The following ABL1 variants were observed in gnomAD, a reference collection of about 807,000 sequenced individuals.
ABL1 encodes the protein ABL proto-oncogene 1, non-receptor tyrosine kinase.
In ABL1, 11 loss-of-function variants were observed where a neutral mutation model predicts 94.7. That is an observed-to-expected ratio of 0.12 (90% CI 0.07 to 0.19). The LOEUF (loss-of-function observed/expected upper bound fraction) is 0.19. ABL1 is among the 10% of genes least tolerant of loss of function. The pLI, the probability that ABL1 is intolerant of heterozygous loss-of-function variation, is 1.00. For synonymous variants in ABL1, 656 were observed against 622.4 expected (o/e 1.05, Z -0.80); for missense variants, 1,082 against 1,489.4 (o/e 0.73, Z 4.50).
Position 130,880,864 on chromosome 9 carries a change from C to T in ABL1, c.1678+200C>T, listed in dbSNP as rs920546879. Among the ~76,000 whole-genome samples the T allele has an allele frequency of 6.6e-6, 1 of 152,232 alleles. No homozygotes were observed. Among genetic ancestry groups the T allele is most frequent in the African/African-American group, 2.4e-5 (1 of 41,446 alleles). On this transcript the variant is annotated intron_variant, in intron 10 of 10. Coordinates refer to ENST00000318560, the MANE Select transcript of ABL1 (RefSeq NM_005157.6). This position sits in a 1 kb window ranked among gnomAD's most constrained non-coding sequence, Gnocchi z 4.4. The stretch of plus-strand genomic sequence containing the variant: ...TCCTATCCCCTCCCTCTGAGAGTCC[C>T]CGAGGAGCATAGGCTCCAGCAGTGA...
intron 4 of ABL1, among the ~76,000 whole-genome samples, chr9:130,870,006 G>A (rs1400191959): frequency 2.0e-5 from 3 of 152,190 alleles, no homozygotes; most frequent in Non-Finnish European, 1.5e-5. Flanking sequence ...TGTATTTTTA[G>A]TAGAGATGGG....
chr9:130,876,552 G>A (rs1000718856), intron 7 of ABL1, among the ~76,000 whole-genome samples: 6 of 150,686 alleles, frequency 4.0e-5, no homozygotes, highest in African/African-American at 1.5e-4. Flanking sequence ...CAAGTAGCTG[G>A]GATTACAGGT....
rs544670118 is a variant in ABL1, at chr9:130,774,639, C to CA, written c.136+60185dup. ...AGGAGTTCGTGACCAGACTGGGCAACATGGAGAAACCTCATCTGTTAAAAA... is the reference window on the plus strand; with the variant it reads ...AGGAGTTCGTGACCAGACTGGGCAACAATGGAGAAACCTCATCTGTTAAAAA... On this transcript the variant is annotated intron_variant, in intron 1 of 10. Coordinates refer to the ABL1 transcript ENST00000372348. 1.4e-4 allele frequency among the ~76,000 whole-genome samples: 21 copies of CA among 152,174 alleles called. No homozygotes were observed. In the East Asian group the frequency reaches 3.9e-3, roughly 28 times the overall value.
intron 1 of ABL1, among the ~76,000 whole-genome samples, chr9:130,840,607 C>T (rs1256198532): frequency 6.6e-6 from 1 of 152,218 alleles, no homozygotes; most frequent in Non-Finnish European, 1.5e-5. Flanking sequence ...CTTAATTAAA[C>T]ACACAGAAGA....
chr9:130,880,252 TC>T lies in ABL1; in HGVS notation c.1513+96del. ...ATTCGGTTCACTTCCTGGTGAAAGT[TC>T]ACAGACCAGCCTGTCCTGAGACCAG... On this transcript the variant is annotated intron_variant, in intron 9 of 10. Coordinates refer to ENST00000318560, the MANE Select transcript of ABL1 (RefSeq NM_005157.6). The surrounding 1 kb of genome is among the most constrained non-coding windows in gnomAD (Gnocchi z 4.4). The T allele has an allele frequency of 7.3e-7, 1 of 1,365,938 alleles. No homozygotes were observed. The highest frequency in any genetic ancestry group is 2.3e-5 in the East Asian group (1 of 43,766). The allele number at this position is 1,365,938 out of a possible 1,614,324, so 84.6% of individuals were successfully genotyped here. A position where few individuals can be genotyped will look rare whatever the true frequency, so the allele number is the denominator to read the frequency against.
chr9:130,885,754 G>A lies in ABL1; in HGVS notation c.*71G>A. 6.6e-7 allele frequency: 1 copy of A among 1,517,694 alleles called. No individual in the cohort carries two copies. Among genetic ancestry groups the A allele is most frequent in the Non-Finnish European group, 8.8e-7 (1 of 1,133,070 alleles). 94.0% of individuals were successfully genotyped at this position (1,517,694 alleles called of 1,614,324 possible). On this transcript the variant is annotated 3_prime_UTR_variant, in exon 11 of 11. Coordinates refer to ENST00000318560, the MANE Select transcript of ABL1 (RefSeq NM_005157.6). ...CACATGCGGGCTCGCCCATACCCGTGACAGTGGCTGACAAGGGACTAGTGA... is the reference window on the plus strand; with the variant it reads ...CACATGCGGGCTCGCCCATACCCGTAACAGTGGCTGACAAGGGACTAGTGA...
intron 1 of ABL1, among the ~76,000 whole-genome samples, chr9:130,784,342 C>T (rs1167924307): frequency 1.3e-5 from 2 of 152,156 alleles, no homozygotes; most frequent in Non-Finnish European, 2.9e-5. Context: ...GGTTTATATA[C>T]TGCTACTTAG....
chr9:130,735,950 TATATA>T lies in ABL1; in HGVS notation c.136+21496_136+21500del, dbSNP rs1321328315. Reference sequence around the variant, plus strand: ...ATGTGTGTGCATATATATATATATATATATATATATATTTTTTTTTTTTAAGACAG... The same window carrying T: ...ATGTGTGTGCATATATATATATATATTATATATTTTTTTTTTTTAAGACAG... On this transcript the variant is annotated intron_variant, in intron 1 of 10. Coordinates refer to the ABL1 transcript ENST00000372348. Among the ~76,000 whole-genome samples the T allele has an allele frequency of 2.3e-4, 19 of 84,384 alleles. No homozygotes were observed. In the East Asian group the frequency reaches 5.9e-3, roughly 26 times the overall value. 55.4% of individuals were successfully genotyped at this position (84,384 alleles called of 152,430 possible). A position where few individuals can be genotyped will look rare whatever the true frequency, so the allele number is the denominator to read the frequency against.
chr9:130,835,821 A>T lies in ABL1; in HGVS notation c.79+296A>T, dbSNP rs1018230046. 6.6e-6 allele frequency among the ~76,000 whole-genome samples: 1 copy of T among 151,578 alleles called. No homozygotes were observed. The highest frequency in any genetic ancestry group is 2.4e-5 in the African/African-American group (1 of 41,182). The stretch of plus-strand genomic sequence containing the variant: ...GCGCCGCCGGCGGAGCGTGGCCCCC[A>T]GCCCCGGCACCAGCCCCGGTAGAGC... On this transcript the variant is annotated intron_variant, in intron 1 of 10. Coordinates refer to ENST00000318560, the MANE Select transcript of ABL1 (RefSeq NM_005157.6). This position sits in a 1 kb window ranked among gnomAD's most constrained non-coding sequence, Gnocchi z 4.6.
At chr9:130,882,344 TC>T (rs553601258) in intron 10 of ABL1, among the ~76,000 whole-genome samples, 39 of 152,294 alleles carry the variant, frequency 2.6e-4, no homozygotes, top group African/African-American at 9.4e-4. Flanking sequence ...CTGGCCTCCT[TC>T]CACTAGATTA....
intron 1 of ABL1, among the ~76,000 whole-genome samples, chr9:130,735,018 T>C (rs986800806): frequency 6.6e-6 from 1 of 152,136 alleles, no homozygotes; most frequent in East Asian, 1.9e-4. Context: ...ATTTTAAAAT[T>C]AAATTGAACT....
intron 1 of ABL1, among the ~76,000 whole-genome samples, chr9:130,750,235 A>ATATC (rs1164882700): frequency 6.1e-5 from 8 of 130,362 alleles, no homozygotes; most frequent in South Asian, 2.5e-4. Flanking sequence ...ATATATATAT[A>ATATC]TCCAAGTATA....
chr9:130,856,591 G>C (rs558633418), intron 3 of ABL1, among the ~76,000 whole-genome samples: 1 of 152,330 alleles, frequency 6.6e-6, no homozygotes, highest in South Asian at 2.1e-4. Flanking sequence ...ATGAATTACA[G>C]TAAAAAGTAA....
intron 1 of ABL1, among the ~76,000 whole-genome samples, chr9:130,793,914 C>G (rs1386346727): frequency 1.3e-5 from 2 of 152,080 alleles, no homozygotes. Flanking sequence ...TGCGATGGAT[C>G]CAGGTTGCGT....
chr9:130,730,024 T>G (rs2132691115), intron 1 of ABL1, among the ~76,000 whole-genome samples: 1 of 141,576 alleles, frequency 7.1e-6, no homozygotes, highest in Non-Finnish European at 1.5e-5. Context: ...ATTACAGGCG[T>G]GAGCCACTGC....
chr9:130,862,691 C>A lies in ABL1; in HGVS notation c.550-72C>A. On this transcript the variant is annotated intron_variant, in intron 3 of 10. Transcript: ENST00000318560. The surrounding 1 kb of genome is among the most constrained non-coding windows in gnomAD (Gnocchi z 5.5). ...GCTGTGTAGTGAATTAAGGCTCAGC[C>A]AAACTGGCTCACGTGAGCTCTTTGA... 6.5e-7 allele frequency: 1 copy of A among 1,547,264 alleles called. No individual in the cohort carries two copies. Among genetic ancestry groups the A allele is most frequent in the South Asian group, 1.2e-5 (1 of 80,840 alleles).
At position 130,814,900 on chromosome 9, in the gene ABL1, T is replaced by TAA. The variant is rs1830262771; in HGVS notation, c.137-39162_137-39161dup. Among the ~76,000 whole-genome samples the TAA allele has an allele frequency of 6.6e-6, 1 of 151,158 alleles. No individual in the cohort carries two copies. Among genetic ancestry groups the TAA allele is most frequent in the African/African-American group, 2.4e-5 (1 of 41,112 alleles). On this transcript the variant is annotated intron_variant, in intron 1 of 10. Coordinates refer to the ABL1 transcript ENST00000372348. The surrounding 1 kb of genome is among the most constrained non-coding windows in gnomAD (Gnocchi z 4.4). The stretch of plus-strand genomic sequence containing the variant: ...TCAAAAAAATAAAATAAAATAAAAA[T>TAA]AAAGTTTAGTAAAATAAAAAAAATC...
intron 1 of ABL1, among the ~76,000 whole-genome samples, chr9:130,853,564 G>A (rs188487714): frequency 9.2e-5 from 14 of 151,994 alleles, no homozygotes; most frequent in Admixed American, 5.9e-4. Flanking sequence ...ACAGGTGTGC[G>A]TCACCATGCC....
intron 1 of ABL1, among the ~76,000 whole-genome samples, chr9:130,730,200 A>C (rs1831645977): frequency 6.6e-6 from 1 of 151,402 alleles, no homozygotes; most frequent in Admixed American, 6.6e-5. Flanking sequence ...GTGCCACCAA[A>C]CCCAGCTAAT....
Sources: allele counts gnomAD v4.1 joint callset (sites outside exome capture counted in the v4.1 genomes callset), GRCh38; gene constraint gnomAD v4.1.1; non-coding constraint Gnocchi (gnomAD v3.1); transcripts MANE v1.5; gene names NCBI Gene and HGNC (gene_info 2026-07-23, HGNC 2026-07-21).